TMLHE: variants seen among roughly 807,000 people sequenced by gnomAD.
The protein encoded by TMLHE is trimethyllysine hydroxylase, epsilon.
Under a neutral mutation model 25.7 loss-of-function variants are expected in TMLHE, and 18 were observed. That is an observed-to-expected ratio of 0.70 (90% confidence interval 0.48 to 1.04). The LOEUF is 1.04. Ranked by LOEUF, TMLHE falls within the 50% of genes least tolerant of loss-of-function variation. TMLHE has a pLI of 0.00. For missense variants in TMLHE, 236 were observed against 259.0 expected, an observed-to-expected ratio of 0.91 and a Z score of 0.61; for synonymous variants, 105 against 97.0, an observed-to-expected ratio of 1.08 and a Z score of -0.49.
intron 1 of TMLHE, among the ~76,000 whole-genome samples, chrX:155,602,865 C>T (rs1213196662): frequency 5.4e-5 from 6 of 111,831 alleles, no homozygotes; most frequent in Non-Finnish European, 9.4e-5. Context: ...ATAAATGTAA[C>T]AAAAAAGTAA....
chrX:155,540,790 A>G (rs1557338089), intron 2 of TMLHE, among the ~76,000 whole-genome samples: 2 of 111,505 alleles, frequency 1.8e-5, no homozygotes, highest in African/African-American at 6.5e-5. Context: ...CTAGCTAGAA[A>G]AATTAGACAA....
At chrX:155,549,689 G>C (rs1034857787) in intron 1 of TMLHE, among the ~76,000 whole-genome samples, 1 of 109,963 alleles carries the variant, frequency 9.1e-6, no homozygotes, top group Non-Finnish European at 1.9e-5. Context: ...GTGTGTATGT[G>C]TGTGTGTCAT....
intron 1 of TMLHE, among the ~76,000 whole-genome samples, chrX:155,557,635 C>T (rs2067466768): frequency 9.0e-6 from 1 of 111,257 alleles, no homozygotes; most frequent in Non-Finnish European, 1.9e-5. Flanking sequence ...GTTAAAGGTG[C>T]TGAAAATATA....
chrX:155,587,521 C>G (rs966460848), intron 1 of TMLHE, among the ~76,000 whole-genome samples: 2 of 111,305 alleles, frequency 1.8e-5, no homozygotes, highest in East Asian at 5.6e-4. Context: ...CCAGAGCAAC[C>G]AAGCAAGAGA....
chrX:155,606,650 A>G (rs1471701614), intron 1 of TMLHE, among the ~76,000 whole-genome samples: 2 of 110,671 alleles, frequency 1.8e-5, no homozygotes, highest in African/African-American at 6.6e-5. Context: ...ATGATAAAAA[A>G]AATGAATGAA....
rs782571966 is a variant in TMLHE at position 155,549,330 on chromosome X, G to C, written c.-1-4053C>G. On this transcript the variant is annotated intron_variant, in intron 1 of 7. Transcript: ENST00000334398. ...GAAAACATTCTAGTTTCATGATTAA[G>C]TATGTTGTTAGCCATGTTTTTGGAT... Among the ~76,000 whole-genome samples the C allele has an allele frequency of 1.3e-4, 14 of 110,653 alleles. No individual in the cohort carries two copies. In the South Asian group the frequency reaches 2.3e-3, roughly 18 times the overall value.
intron 1 of TMLHE, among the ~76,000 whole-genome samples, chrX:155,597,477 T>G (rs1034545435): frequency 1.8e-5 from 2 of 111,398 alleles, no homozygotes; most frequent in East Asian, 5.7e-4. Flanking sequence ...GCCATTTGAC[T>G]CAGCCATCCC....
At chrX:155,595,809 C>G (rs912705267) in intron 1 of TMLHE, among the ~76,000 whole-genome samples, 2 of 111,325 alleles carry the variant, frequency 1.8e-5, no homozygotes, top group African/African-American at 6.5e-5. Flanking sequence ...ATAAGGCAAA[C>G]GAAAAGGTGA....
intron 1 of TMLHE, among the ~76,000 whole-genome samples, chrX:155,579,600 G>A (rs906515321): frequency 9.0e-6 from 1 of 111,638 alleles, no homozygotes; most frequent in Admixed American, 9.5e-5. Context: ...CTGAAGTTTG[G>A]GGTATGACTA....
chrX:155,536,962 C>T (rs1423209104), intron 2 of TMLHE, among the ~76,000 whole-genome samples: 1 of 111,731 alleles, frequency 9.0e-6, no homozygotes, highest in Non-Finnish European at 1.9e-5. Context: ...AAATTTGAAA[C>T]TCACCTTGAT....
At chrX:155,512,503 A>G (rs1006324958) in intron 4 of TMLHE, among the ~76,000 whole-genome samples, 1 of 110,328 alleles carries the variant, frequency 9.1e-6, no homozygotes, top group Non-Finnish European at 1.9e-5. Context: ...TGAACTCATC[A>G]TTTTTTATGG....
intron 1 of TMLHE, among the ~76,000 whole-genome samples, chrX:155,584,489 C>T (rs989092152): frequency 4.5e-5 from 5 of 110,583 alleles, no homozygotes; most frequent in African/African-American, 9.8e-5. Flanking sequence ...CAAGAGACTT[C>T]GACATCCATA....
rs782512652 is a variant in TMLHE, at chrX:155,524,572, C to T, written c.242G>A (p.Arg81His). ...FDYVWLRDHCRSASCYNSKTH... is the reference protein window; with the variant it reads ...FDYVWLRDHCHSASCYNSKTH... Reference sequence around the variant, plus strand: ...CTTAGAGTTGTAGCACGATGCTGAGCGGCAGTGGTCTCGAAGCCAGACGTA... The same window carrying T: ...CTTAGAGTTGTAGCACGATGCTGAGTGGCAGTGGTCTCGAAGCCAGACGTA... Residue 81 changes from arginine to histidine, a missense_variant, in exon 3 of 8, where the codon CGC becomes CAC. Coordinates refer to ENST00000334398, the MANE Select transcript of TMLHE (RefSeq NM_018196.4). 3.1e-5 allele frequency: 37 copies of T among 1,204,325 alleles called. No homozygotes were observed. The highest frequency in any genetic ancestry group is 1.8e-4 in the East Asian group (6 of 33,599).
intron 1 of TMLHE, among the ~76,000 whole-genome samples, chrX:155,548,221 C>T (rs1355450275): frequency 8.9e-6 from 1 of 111,759 alleles, no homozygotes; most frequent in Non-Finnish European, 1.9e-5. Context: ...AAAGCACAGG[C>T]AAGCTAAGCA....
rs782147524 is a variant in TMLHE, at chrX:155,562,445, G to A, written c.-1-17168C>T. ...TGGGCCTGTGATGGGAGGGGCTGCC[G>A]CAAAGGTCTCTGACATGCCCTGGAG... On this transcript the variant is annotated intron_variant, in intron 1 of 7. Coordinates refer to ENST00000334398, the MANE Select transcript of TMLHE (RefSeq NM_018196.4). Among the ~76,000 whole-genome samples the A allele has an allele frequency of 1.6e-4, 10 of 61,267 alleles. 1 individual carries two copies. Among genetic ancestry groups the A allele is most frequent in the Admixed American group, 1.9e-4 (1 of 5,272 alleles). 53.2% of individuals were successfully genotyped at this position (61,267 alleles called of 115,157 possible). A position where few individuals can be genotyped will look rare whatever the true frequency, so the allele number is the denominator to read the frequency against.
At chrX:155,549,677 G>C (rs1012946673) in intron 1 of TMLHE, among the ~76,000 whole-genome samples, 3 of 109,696 alleles carry the variant, frequency 2.7e-5, no homozygotes, top group African/African-American at 6.7e-5. Context: ...ACATGGTCTG[G>C]TGTGTGTATG....
intron 1 of TMLHE, among the ~76,000 whole-genome samples, chrX:155,556,139 G>C (rs1325020167): frequency 2.3e-5 from 2 of 87,653 alleles, no homozygotes; most frequent in Non-Finnish European, 4.9e-5. Context: ...GGCAAGTAAG[G>C]CAGGCAGTCT....
rs56160372 is a variant in TMLHE, at chrX:155,585,416, A to AACAC, written c.-2+27372_-2+27375dup. Among the ~76,000 whole-genome samples the AACAC allele has an allele frequency of 1.6e-3, 158 of 96,632 alleles. 1 individual carries two copies. The highest frequency in any genetic ancestry group is 4.6e-3 in the African/African-American group (118 of 25,926). 83.9% of individuals were successfully genotyped at this position (96,632 alleles called of 115,157 possible). ...AGGATATAAATTATACACACACACAAACACACACACACACACACACACACA... is the reference window on the plus strand; with the variant it reads ...AGGATATAAATTATACACACACACAAACACACACACACACACACACACACACACA... On this transcript the variant is annotated intron_variant, in intron 1 of 7. Transcript: ENST00000334398.
chrX:155,578,371 T>C (rs1324488742), intron 1 of TMLHE, among the ~76,000 whole-genome samples: 1 of 111,418 alleles, frequency 9.0e-6, no homozygotes, highest in African/African-American at 3.3e-5. Flanking sequence ...ATGCCCCCAG[T>C]ACTCAAGTAT....
Sources: allele counts gnomAD v4.1 joint callset (sites outside exome capture counted in the v4.1 genomes callset), GRCh38; gene constraint gnomAD v4.1.1; transcripts MANE v1.5; gene names NCBI Gene and HGNC (gene_info 2026-07-23, HGNC 2026-07-21).